UGT1A6: variants seen among roughly 807,000 people sequenced by gnomAD.
The protein encoded by UGT1A6 is UDP glucuronosyltransferase family 1 member A6, also known as UDP-glucuronosyltransferase 1A6.
UGT1A6 carries 32 observed loss-of-function variants against 44.4 expected under a neutral mutation model. The ratio of observed to expected loss-of-function variants is 0.72; its 90% CI spans 0.54 to 0.97. The LOEUF (loss-of-function observed/expected upper bound fraction) is 0.97. UGT1A6 is among the 50% of genes least tolerant of loss of function. UGT1A6 has a pLI of 0.00. For missense variants in UGT1A6, 685 were observed against 661.9 expected (o/e 1.03, Z -0.38); for synonymous variants, 238 against 248.5 (o/e 0.96, Z 0.40).
chr2:233,729,222 G>A (rs778525530), intron 1 of UGT1A6: 3 of 1,614,150 alleles, frequency 1.9e-6, no homozygotes, highest in Middle Eastern at 1.7e-4. Flanking sequence ...GAAAGGTGTT[G>A]GTGGTGCCCA....
chr2:233,717,412 C>T (rs961485519), intron 1 of UGT1A6, among the ~76,000 whole-genome samples: 22 of 152,222 alleles, frequency 1.4e-4, no homozygotes, highest in African/African-American at 5.3e-4. Context: ...ATATGCCTCC[C>T]TTGAGCTGGG....
At chr2:233,702,163 C>G (rs1426728251) in intron 1 of UGT1A6, among the ~76,000 whole-genome samples, 1 of 152,174 alleles carries the variant, frequency 6.6e-6, no homozygotes, top group East Asian at 1.9e-4. Context: ...TATTATCAGT[C>G]ACTCTTCTTT....
intron 1 of UGT1A6, among the ~76,000 whole-genome samples, chr2:233,766,030 T>C (rs1699031602): frequency 6.6e-6 from 1 of 152,104 alleles, no homozygotes; most frequent in Non-Finnish European, 1.5e-5. Context: ...AGTTTTGCCC[T>C]CTATAGTCAG....
At chr2:233,747,573 T>C (rs1169792054) in intron 1 of UGT1A6, 7 of 1,587,232 alleles carry the variant, frequency 4.4e-6, no homozygotes, top group African/African-American at 1.4e-5. Flanking sequence ...GAAAAATTCA[T>C]CTTTGGTCTT....
intron 1 of UGT1A6, chr2:233,747,653 T>C: frequency 6.3e-7 from 1 of 1,590,314 alleles, no homozygotes; most frequent in Non-Finnish European, 8.6e-7. Context: ...CTTCCTTCGA[T>C]GTGGTTTTAA....
chr2:233,702,821 G>T (rs769310431), intron 1 of UGT1A6, among the ~76,000 whole-genome samples: 8 of 152,166 alleles, frequency 5.3e-5, no homozygotes, highest in Non-Finnish European at 1.2e-4. Context: ...ACTTGATTGT[G>T]TTGTATAATC....
intron 1 of UGT1A6, chr2:233,718,858 C>T: frequency 1.9e-6 from 3 of 1,613,692 alleles, no homozygotes; most frequent in African/African-American, 2.7e-5. Context: ...CCGCGGCTGG[C>T]CACAGGACTG....
chr2:233,743,619 A>G, intron 1 of UGT1A6: 2 of 1,367,304 alleles, frequency 1.5e-6, no homozygotes, highest in African/African-American at 3.0e-5. Context: ...AACTCCCTGA[A>G]GACGTCGGCT....
At chr2:233,728,581 G>A (rs1575575973) in intron 1 of UGT1A6, among the ~76,000 whole-genome samples, 1 of 152,156 alleles carries the variant, frequency 6.6e-6, no homozygotes, top group Non-Finnish European at 1.5e-5. Context: ...TGCGAAAAAC[G>A]ACCAAAACCA....
chr2:233,716,785 T>C (rs1675304459), intron 1 of UGT1A6, among the ~76,000 whole-genome samples: 1 of 152,184 alleles, frequency 6.6e-6, no homozygotes, highest in South Asian at 2.1e-4. Context: ...GCTTTCGGGA[T>C]GCCTTTTTCT....
Position 233,769,847 on chromosome 2 carries a change from G to C in UGT1A6, c.1301+1408G>C. On this transcript the variant is annotated intron_variant, in intron 4 of 4. Transcript: ENST00000305139. The surrounding 1 kb of genome is among the most constrained non-coding windows in gnomAD (Gnocchi z 4.4). Reference sequence around the variant, plus strand: ...TCCAGCAACCTGGGCAACAGAGTGAGACCCTGTCTCAAAAAAAAAAAAAAA... The same window carrying C: ...TCCAGCAACCTGGGCAACAGAGTGACACCCTGTCTCAAAAAAAAAAAAAAA... 1 of 475,506 alleles carries C rather than the reference G, an allele frequency of 2.1e-6. No homozygotes were observed. The highest frequency in any genetic ancestry group is 3.3e-6 in the Non-Finnish European group (1 of 298,626). The allele number at this position is 475,506 out of a possible 1,614,324, so 29.5% of individuals were successfully genotyped here.
intron 1 of UGT1A6, among the ~76,000 whole-genome samples, chr2:233,716,543 C>T (rs2076509710): frequency 6.6e-6 from 1 of 152,114 alleles, no homozygotes; most frequent in South Asian, 2.1e-4. Flanking sequence ...CCTTTCTCTC[C>T]TTATATTCCT....
Position 233,772,408 on chromosome 2 carries a change from A to C in UGT1A6, c.1448A>C (p.Tyr483Ser), listed in dbSNP as rs1700517999. 1 of 1,614,210 alleles carries C rather than the reference A, an allele frequency of 6.2e-7. No individual in the cohort carries two copies. Among genetic ancestry groups the C allele is most frequent in the Non-Finnish European group, 8.5e-7 (1 of 1,180,026 alleles). ...CCCGCAGCCCACGACCTCACCTGGT[A>C]CCAGTACCATTCCTTGGACGTGATT... is the stretch of plus-strand genomic sequence containing the variant. ...LRPAAHDLTWYQYHSLDVIGF... is the reference protein window; with the variant it reads ...LRPAAHDLTWSQYHSLDVIGF... Residue 483 changes from tyrosine (Y) to serine (S), a missense_variant, in exon 5 of 5, where the codon TAC becomes TCC. Physicochemically the swap from Tyr to Ser is moderately radical, Grantham distance 144 (BLOSUM62 -2). Transcript: ENST00000305139.
upstream of UGT1A6, chr2:233,691,707 C>G: frequency 1.1e-6 from 1 of 940,490 alleles, no homozygotes; most frequent in Non-Finnish European, 1.3e-6. Flanking sequence ...GAGTCACTCC[C>G]CTGGCAGATG....
intron 1 of UGT1A6, chr2:233,713,295 G>C: frequency 6.2e-7 from 1 of 1,614,228 alleles, no homozygotes; most frequent in Non-Finnish European, 8.5e-7. Context: ...ATCGTTCTTT[G>C]AAACAGAACA....
intron 1 of UGT1A6, among the ~76,000 whole-genome samples, chr2:233,699,348 C>T (rs763342430): frequency 6.6e-6 from 1 of 152,170 alleles, no homozygotes; most frequent in Non-Finnish European, 1.5e-5. Flanking sequence ...CTAGGGCTAA[C>T]CTCTTTTCTT....
intron 1 of UGT1A6, among the ~76,000 whole-genome samples, chr2:233,700,073 G>A (rs2075542288): frequency 6.6e-6 from 1 of 152,184 alleles, no homozygotes; most frequent in African/African-American, 2.4e-5. Context: ...TGTCTACCCA[G>A]CAAGGCCCCC....
At chr2:233,761,081 C>T in intron 1 of UGT1A6, 2 of 1,614,180 alleles carry the variant, frequency 1.2e-6, no homozygotes, top group Non-Finnish European at 1.7e-6. Flanking sequence ...AAGGATTACC[C>T]TAGGCCCATC....
At chr2:233,764,298 G>A (rs1320441199) in intron 1 of UGT1A6, among the ~76,000 whole-genome samples, 1 of 152,076 alleles carries the variant, frequency 6.6e-6, no homozygotes, top group African/African-American at 2.4e-5. Flanking sequence ...GTGAAGTCAG[G>A]GTGAAGTTTA....
Sources: allele counts gnomAD v4.1 joint callset (sites outside exome capture counted in the v4.1 genomes callset), GRCh38; gene constraint gnomAD v4.1.1; non-coding constraint Gnocchi (gnomAD v3.1); transcripts MANE v1.5; gene names NCBI Gene and HGNC (gene_info 2026-07-23, HGNC 2026-07-21).